INO80: variants seen among roughly 807,000 people sequenced by gnomAD.
INO80 encodes the protein chromatin-remodeling ATPase INO80.
In INO80, 20 loss-of-function variants were observed where a neutral mutation model predicts 203.4. The ratio of observed to expected loss-of-function variants is 0.10; its 90% CI spans 0.07 to 0.14. The LOEUF (loss-of-function observed/expected upper bound fraction) is 0.14, where lower values mean the gene tolerates loss of function less well. Among genes scored for constraint, INO80 ranks in the 10% least tolerant of loss-of-function variants. INO80 has a pLI of 1.00. For synonymous variants in INO80, 726 were observed against 685.2 expected, an observed-to-expected ratio of 1.06 and a Z score of -0.93; for missense variants, 1,419 against 1,914.4, an observed-to-expected ratio of 0.74 and a Z score of 4.83.
intron 5 of INO80, among the ~76,000 whole-genome samples, chr15:41,089,943 G>C (rs1024145017): frequency 2.0e-5 from 3 of 152,092 alleles, no homozygotes; most frequent in Non-Finnish European, 2.9e-5. Context: ...GCTAAGCAAG[G>C]TGTTTCCATA....
chr15:41,007,999 C>T (rs950212674), intron 27 of INO80, among the ~76,000 whole-genome samples: 44 of 152,058 alleles, frequency 2.9e-4, no homozygotes, highest in African/African-American at 9.9e-4. Flanking sequence ...CATGGCGAAA[C>T]CCCATCTCTA....
intron 24 of INO80, among the ~76,000 whole-genome samples, chr15:41,030,355 G>T (rs2044440043): frequency 6.6e-6 from 1 of 151,978 alleles, no homozygotes; most frequent in Non-Finnish European, 1.5e-5. Context: ...TCCCAAATTA[G>T]AACACATTCA....
At chr15:41,055,496 G>C (rs1171894751) in intron 17 of INO80, 132 bp from the exon 18 acceptor site, 2 of 400,694 alleles carry the variant, frequency 5.0e-6, no homozygotes, top group Non-Finnish European at 8.9e-6. Flanking sequence ...GTGAATGAAA[G>C]ACAGAAAATG....
intron 19 of INO80, 70 bp from the exon 20 acceptor site, chr15:41,050,172 T>C (rs1448107296): frequency 9.7e-7 from 1 of 1,028,036 alleles, no homozygotes; most frequent in Non-Finnish European, 1.5e-6. Context: ...AGCTTAAAGT[T>C]GAAAACACAC....
Position 40,982,838 on chromosome 15 carries a change from T to G in INO80, c.4453+24A>C, listed in dbSNP as rs747769178. The G allele has an allele frequency of 3.2e-6, 5 of 1,586,574 alleles. No homozygotes were observed. The East Asian group carries it at 9.0e-5, about 28-fold the overall frequency. On this transcript the variant is annotated intron_variant, in intron 35 of 35. Coordinates refer to ENST00000648947, the MANE Select transcript of INO80 (RefSeq NM_017553.3). ...GACTGTCTCTGACCAGAACAAAGTC[T>G]GCAGCCACCCTGGGCTTCTGTACCT...
At chr15:41,038,011 CTTTTTTTTTT>C (rs748525965) in intron 24 of INO80, among the ~76,000 whole-genome samples, 2 of 89,794 alleles carry the variant, frequency 2.2e-5, no homozygotes, top group Non-Finnish European at 4.2e-5. Flanking sequence ...CTTCCCTTTT[CTTTTTTTTTT>C]TTTTTTTTTT....
chr15:41,090,409 T>C (rs766595073), intron 5 of INO80, among the ~76,000 whole-genome samples: 10 of 151,962 alleles, frequency 6.6e-5, no homozygotes, highest in Non-Finnish European at 1.0e-4. Flanking sequence ...AAACCCGTCT[T>C]TACTAAAAAC....
At chr15:41,091,542 C>T (rs1405732270) in intron 5 of INO80, among the ~76,000 whole-genome samples, 1 of 151,972 alleles carries the variant, frequency 6.6e-6, no homozygotes, top group Non-Finnish European at 1.5e-5. Context: ...CTGCCCAGGC[C>T]CAGTGTGTCT....
At position 41,032,004 on chromosome 15, in the gene INO80, ACAGCACAGCACAGCACAGC is replaced by A. The variant is rs1194717811; in HGVS notation, c.2908-4287_2908-4269del. On this transcript the variant is annotated intron_variant, in intron 24 of 35. Coordinates refer to ENST00000648947, the MANE Select transcript of INO80 (RefSeq NM_017553.3). ...ACAGCACAGCACAGCACAGGACAGCACAGCACAGCACAGCACAGCACAGCACAGCACAGCACAGCACAGC... is the reference window on the plus strand; with the variant it reads ...ACAGCACAGCACAGCACAGGACAGCAACAGCACAGCACAGCACAGCACAGC... 4.6e-3 allele frequency among the ~76,000 whole-genome samples: 205 copies of A among 44,096 alleles called. 3 individuals are homozygous for A. The highest frequency in any genetic ancestry group is 0.014 in the African/African-American group (198 of 14,560). The allele number at this position is 44,096 out of a possible 152,430, so 28.9% of individuals were successfully genotyped here. A position where few individuals can be genotyped will look rare whatever the true frequency, so the allele number is the denominator to read the frequency against.
chr15:41,099,746 T>C (rs893438023), intron 1 of INO80, among the ~76,000 whole-genome samples: 9 of 151,268 alleles, frequency 5.9e-5, no homozygotes, highest in Admixed American at 5.9e-4. Context: ...CGCACCACTG[T>C]ACTCCAGCCT....
At chr15:41,074,341 C>T (rs1220807320) in intron 10 of INO80, 29 bp downstream of exon 10, 2 of 1,515,070 alleles carry the variant, frequency 1.3e-6, no homozygotes, top group Non-Finnish European at 1.8e-6. Flanking sequence ...AAGAGGTAGC[C>T]TTCCTCTAAG....
At chr15:41,089,589 C>G (rs1460434348) in intron 5 of INO80, among the ~76,000 whole-genome samples, 1 of 151,970 alleles carries the variant, frequency 6.6e-6, no homozygotes. Flanking sequence ...ACTAAAAATA[C>G]AAAAATAGCC....
intron 16 of INO80, 57 bp downstream of exon 16, chr15:41,058,582 T>C (rs1004623997): frequency 1.8e-5 from 24 of 1,367,054 alleles, no homozygotes; most frequent in Non-Finnish European, 2.2e-5. Context: ...TGTGTGTGTG[T>C]GTGTGTGTGT....
In INO80 at chr15:40,979,961, A is replaced by G. The variant is rs1170489215; in HGVS notation, c.*262T>C. On this transcript the variant is annotated 3_prime_UTR_variant, in exon 36 of 36. Coordinates refer to ENST00000648947, the MANE Select transcript of INO80 (RefSeq NM_017553.3). Reference sequence around the variant, plus strand: ...AGGCTTGCCCCGTGAGAGGTTTAAGACTTGGCTATACAGTTCACTTGAGAT... The same window carrying G: ...AGGCTTGCCCCGTGAGAGGTTTAAGGCTTGGCTATACAGTTCACTTGAGAT... 2.0e-6 allele frequency: 1 copy of G among 512,014 alleles called. No individual in the cohort carries two copies. 31.7% of individuals were successfully genotyped at this position (512,014 alleles called of 1,614,324 possible).
intron 24 of INO80, among the ~76,000 whole-genome samples, chr15:41,032,115 C>T (rs559416194): frequency 6.5e-4 from 99 of 151,246 alleles, no homozygotes; most frequent in Non-Finnish European, 1.1e-3. Flanking sequence ...CAGCACAGCA[C>T]AGAAAACACA....
intron 29 of INO80, among the ~76,000 whole-genome samples, 200 bp from the exon 30 acceptor site, chr15:40,988,174 TTTTA>T (rs1390732286): frequency 6.6e-6 from 1 of 152,206 alleles, no homozygotes; most frequent in Non-Finnish European, 1.5e-5. Flanking sequence ...CATGCTCCTG[TTTTA>T]TTTTTTTCAG....
At chr15:41,109,496 T>C (rs752939518) in intron 1 of INO80, among the ~76,000 whole-genome samples, 15 of 147,800 alleles carry the variant, frequency 1.0e-4, no homozygotes, top group Non-Finnish European at 1.5e-4. Context: ...TATTACAAAA[T>C]AGAAATGTCT....
intron 21 of INO80, 26 bp from the exon 22 acceptor site, chr15:41,048,302 G>C (rs2044804006): frequency 6.4e-7 from 1 of 1,563,870 alleles, no homozygotes; most frequent in African/African-American, 1.4e-5. Context: ...ATAAAATAAA[G>C]CCAAACCCAA....
intron 27 of INO80, 71 bp downstream of exon 27, chr15:41,016,017 T>C: frequency 8.0e-7 from 1 of 1,249,242 alleles, no homozygotes; most frequent in Non-Finnish European, 1.1e-6. Context: ...GGACTAACAT[T>C]AGTCATGGAC....
Sources: allele counts gnomAD v4.1 joint callset (sites outside exome capture counted in the v4.1 genomes callset), GRCh38; gene constraint gnomAD v4.1.1; transcripts MANE v1.5; gene names NCBI Gene and HGNC (gene_info 2026-07-23, HGNC 2026-07-21).